The following CTPS1 variants were observed in gnomAD, a reference collection of about 807,000 sequenced individuals.
CTPS1 encodes the protein CTP synthase 1, also known as CTP synthetase 1.
Under a neutral mutation model 80.5 loss-of-function variants are expected in CTPS1, and 25 were observed. The observed-to-expected ratio is 0.31, with a 90% CI of 0.23 to 0.43. The LOEUF is 0.43. Among genes scored for constraint, CTPS1 ranks in the 20% least tolerant of loss-of-function variants. The pLI is 1.00. For synonymous variants in CTPS1, 267 were observed against 252.5 expected (o/e 1.06, Z -0.54); for missense variants, 442 against 725.7 (o/e 0.61, Z 4.49).
chr1:40,998,056 G>T (rs186041577), intron 9 of CTPS1, among the ~76,000 whole-genome samples: 1 of 152,292 alleles, frequency 6.6e-6, no homozygotes, highest in East Asian at 1.9e-4. Flanking sequence ...GAATGGTGGG[G>T]CATGGCCCTG....
At chr1:40,993,774 C>CTTTTTTTTTTTTT (rs71278720) in intron 7 of CTPS1, among the ~76,000 whole-genome samples, 12 of 85,796 alleles carry the variant, frequency 1.4e-4, no homozygotes, top group East Asian at 3.5e-4. Flanking sequence ...TTTCTTCTCT[C>CTTTTTTTTTTTTT]TTTTTTTTTT....
At chr1:40,991,291 C>A in intron 6 of CTPS1, 43 bp downstream of exon 6, 1 of 1,421,164 alleles carries the variant, frequency 7.0e-7, no homozygotes, top group Non-Finnish European at 9.7e-7. Flanking sequence ...TCTTTTATGT[C>A]TAGTTAAGAT....
chr1:40,987,538 T>G, intron 4 of CTPS1, 66 bp downstream of exon 4: 1 of 1,177,224 alleles, frequency 8.5e-7, no homozygotes, highest in Non-Finnish European at 1.3e-6. Context: ...CAATAACTGA[T>G]AAGACAGTTC....
At chr1:40,999,218 A>G (rs1178951295) in intron 9 of CTPS1, among the ~76,000 whole-genome samples, 1 of 152,126 alleles carries the variant, frequency 6.6e-6, no homozygotes, top group Non-Finnish European at 1.5e-5. Flanking sequence ...GAGCACGTCC[A>G]AGGGCTTGGA....
chr1:41,007,375 C>A lies in CTPS1; in HGVS notation c.1297-74C>A. On this transcript the variant is annotated intron_variant, in intron 13 of 18. Transcript: ENST00000650070. The surrounding 1 kb of genome is among the most constrained non-coding windows in gnomAD (Gnocchi z 4.4). ...AGCTTACTTACAAGCCTTTGCCACC[C>A]ACTCAGCGAGGGAGGTTTCTCTCTA... The A allele has an allele frequency of 7.9e-7, 1 of 1,261,956 alleles. No individual in the cohort carries two copies. Among genetic ancestry groups the A allele is most frequent in the Non-Finnish European group, 1.2e-6 (1 of 867,842 alleles). 78.2% of individuals were successfully genotyped at this position (1,261,956 alleles called of 1,614,324 possible).
intron 2 of CTPS1, among the ~76,000 whole-genome samples, chr1:40,983,676 G>A (rs1570938208): frequency 6.7e-6 from 1 of 149,336 alleles, no homozygotes; most frequent in East Asian, 2.0e-4. Context: ...AGGCTGGAGT[G>A]TAGTGGTGTG....
At chr1:40,999,955 G>C (rs1488656708) in intron 9 of CTPS1, among the ~76,000 whole-genome samples, 4 of 152,130 alleles carry the variant, frequency 2.6e-5, no homozygotes, top group Non-Finnish European at 5.9e-5. Flanking sequence ...TTCGAGAGCA[G>C]CCTGGTCAAC....
chr1:41,000,084 G>C (rs1323261459), intron 9 of CTPS1, among the ~76,000 whole-genome samples: 1 of 152,176 alleles, frequency 6.6e-6, no homozygotes, highest in Non-Finnish European at 1.5e-5. Context: ...AGACACAAAA[G>C]GTTATATACT....
rs1570985483 is a variant in CTPS1, at chr1:41,009,452, C to CTTTTTTT, written c.1560_1561insTTTTTTT (p.Val521PhefsTer10). On this transcript the variant is annotated frameshift_variant, in exon 17 of 19. Coordinates refer to ENST00000650070, the MANE Select transcript of CTPS1 (RefSeq NM_001905.4). LOFTEE classifies it high-confidence loss of function. Reference sequence around the variant, plus strand: ...TTTGAATCTCTATTTCAGATCATCCCTTTTTTGTTGGGGTTCAGTACCACC... The same window carrying CTTTTTTT: ...TTTGAATCTCTATTTCAGATCATCCCTTTTTTTTTTTTTGTTGGGGTTCAGTACCACC... The CTTTTTTT allele has an allele frequency of 6.4e-7, 1 of 1,569,752 alleles. No homozygotes were observed. Among genetic ancestry groups the CTTTTTTT allele is most frequent in the Non-Finnish European group, 8.6e-7 (1 of 1,161,616 alleles).
intron 17 of CTPS1, among the ~76,000 whole-genome samples, chr1:41,009,903 T>C (rs1643127219): frequency 6.6e-6 from 1 of 152,192 alleles, no homozygotes; most frequent in Non-Finnish European, 1.5e-5. Flanking sequence ...TTATGTCCCA[T>C]TGCCACCTTT....
At position 40,990,881 on chromosome 1, in the gene CTPS1, T is replaced by G. The variant is rs4660182; in HGVS notation, c.556-284T>G. ...AATAGAAAATGCCTCCAAGTAAATG[T>G]GGAGAAGTAGCACACCAGCAAGATC... On this transcript the variant is annotated intron_variant, in intron 5 of 18. Coordinates refer to ENST00000650070, the MANE Select transcript of CTPS1 (RefSeq NM_001905.4). Among the ~76,000 whole-genome samples, 531 of 152,246 alleles carry G rather than the reference T, an allele frequency of 3.5e-3. 10 individuals are homozygous for G. The East Asian group carries it at 0.045, about 13-fold the overall frequency.
chr1:40,991,282 C>G (rs1267123159), intron 6 of CTPS1, 34 bp downstream of exon 6: 2 of 1,476,888 alleles, frequency 1.4e-6, no homozygotes, highest in African/African-American at 2.9e-5. Flanking sequence ...GCAGTGTAAT[C>G]TTTTATGTCT....
rs943412587 is a variant in CTPS1 at position 41,010,143 on chromosome 1, A to G, written c.1692-18A>G. ...GTTTTTGGTGGGAGATGATGCGTAA[A>G]CCATCTGAATTCTACAGGGACACCT... On this transcript the variant is annotated intron_variant, in intron 17 of 18. Coordinates refer to ENST00000650070, the MANE Select transcript of CTPS1 (RefSeq NM_001905.4). 7 of 1,596,892 alleles carry G rather than the reference A, an allele frequency of 4.4e-6. No individual in the cohort carries two copies. In the Middle Eastern group the frequency reaches 9.9e-4, roughly 226 times the overall value.
chr1:40,998,461 AGCTC>A, intron 9 of CTPS1, among the ~76,000 whole-genome samples: 1 of 150,412 alleles, frequency 6.6e-6, no homozygotes, highest in South Asian at 2.1e-4. Flanking sequence ...CTCAGATTCT[AGCTC>A]TGTCATCTAC....
rs188303963 is a variant in CTPS1 at position 41,005,853 on chromosome 1, A to C, written c.1253-198A>C. Among the ~76,000 whole-genome samples, 20 of 152,056 alleles carry C rather than the reference A, an allele frequency of 1.3e-4. 1 individual carries two copies. On this transcript the variant is annotated intron_variant, in intron 12 of 18. Coordinates refer to ENST00000650070, the MANE Select transcript of CTPS1 (RefSeq NM_001905.4). Reference sequence around the variant, plus strand: ...TGGGAGTTCAAGGCTGCAGTGAGCTATGATCGCACCACTGCACTCCAGCCT... The same window carrying C: ...TGGGAGTTCAAGGCTGCAGTGAGCTCTGATCGCACCACTGCACTCCAGCCT...
rs1490927540 is a variant in CTPS1 at position 41,007,107 on chromosome 1, A to C, written c.1297-342A>C. ...TCATCAGGCTAGCTGGGGCGATGACAGACATGTTATGACACATCCAGTCCG... is the reference window on the plus strand; with the variant it reads ...TCATCAGGCTAGCTGGGGCGATGACCGACATGTTATGACACATCCAGTCCG... On this transcript the variant is annotated intron_variant, in intron 13 of 18. Transcript: ENST00000650070. The surrounding 1 kb of genome is among the most constrained non-coding windows in gnomAD (Gnocchi z 4.4). Among the ~76,000 whole-genome samples the C allele has an allele frequency of 1.3e-5, 2 of 152,182 alleles. No homozygotes were observed.
chr1:41,003,391 G>A (rs1020992688), intron 12 of CTPS1, among the ~76,000 whole-genome samples: 6 of 152,108 alleles, frequency 3.9e-5, no homozygotes, highest in African/African-American at 1.4e-4. Flanking sequence ...TCCCTCCTTT[G>A]CCTTCTGCCT....
intron 5 of CTPS1, among the ~76,000 whole-genome samples, chr1:40,990,057 T>C (rs547681550): frequency 2.0e-5 from 3 of 151,134 alleles, no homozygotes; most frequent in Admixed American, 6.6e-5. Context: ...TGATGGCCTA[T>C]GGGCCACATG....
chr1:40,993,881 C>T lies in CTPS1; in HGVS notation c.720+2036C>T, dbSNP rs528099889. ...GCCATCTCTGTCTCCCGTGTTCAAG[C>T]GATTCTCCTGCCTCAGCCTCCTGAG... On this transcript the variant is annotated intron_variant, in intron 7 of 18. Coordinates refer to ENST00000650070, the MANE Select transcript of CTPS1 (RefSeq NM_001905.4). 5.6e-5 allele frequency among the ~76,000 whole-genome samples: 8 copies of T among 144,042 alleles called. No homozygotes were observed. In the South Asian group the frequency reaches 8.8e-4, roughly 16 times the overall value. The allele number at this position is 144,042 out of a possible 152,430, so 94.5% of individuals were successfully genotyped here.
Sources: allele counts gnomAD v4.1 joint callset (sites outside exome capture counted in the v4.1 genomes callset), GRCh38; gene constraint gnomAD v4.1.1; non-coding constraint Gnocchi (gnomAD v3.1); transcripts MANE v1.5; gene names NCBI Gene and HGNC (gene_info 2026-07-23, HGNC 2026-07-21).